The following ZNF716 variants were observed in gnomAD, a reference collection of about 807,000 sequenced individuals.
ZNF716 encodes the protein zinc finger protein 716.
In ZNF716, 9 loss-of-function variants were observed where a neutral mutation model predicts 13.4. That is an observed-to-expected ratio of 0.67 (90% CI 0.41 to 1.18). The LOEUF (loss-of-function observed/expected upper bound fraction) is 1.18, where lower values mean the gene tolerates loss of function less well. ZNF716 is among the 50% of genes most tolerant of loss of function. ZNF716 has a pLI of 0.01. For missense variants in ZNF716, 581 were observed against 576.6 expected (o/e 1.01, Z -0.08); for synonymous variants, 186 against 195.2 (o/e 0.95, Z 0.39).
intron 1 of ZNF716, among the ~76,000 whole-genome samples, chr7:57,451,084 C>T (rs1344410421): frequency 1.3e-5 from 2 of 151,240 alleles, no homozygotes. Context: ...TGCAATGGCA[C>T]GATCTCAGCT....
chr7:57,462,686 T>A, intron 2 of ZNF716, 100 bp downstream of exon 2: 1 of 1,355,344 alleles, frequency 7.4e-7, no homozygotes, highest in Non-Finnish European at 1.0e-6. Context: ...ATTTTAGCTC[T>A]CCAGTTTTAA....
intron 3 of ZNF716, among the ~76,000 whole-genome samples, chr7:57,464,122 C>CTTTT (rs71065117): frequency 4.8e-5 from 6 of 125,842 alleles, no homozygotes; most frequent in Non-Finnish European, 8.0e-5. Flanking sequence ...TTTCTTTTTT[C>CTTTT]TTTTTTTTTT....
intron 2 of ZNF716, 140 bp from the exon 3 acceptor site, chr7:57,462,933 A>T: frequency 8.0e-7 from 1 of 1,256,370 alleles, no homozygotes; most frequent in Non-Finnish European, 1.1e-6. Context: ...GTATTTTCTA[A>T]ATAGCTACAA....
intron 3 of ZNF716, among the ~76,000 whole-genome samples, chr7:57,465,365 T>A (rs1789786626): frequency 6.6e-6 from 1 of 152,178 alleles, no homozygotes; most frequent in East Asian, 1.9e-4. Flanking sequence ...ACATTTTTTT[T>A]TTTGACACAG....
At chr7:57,457,995 T>C (rs1789633944) in intron 1 of ZNF716, among the ~76,000 whole-genome samples, 1 of 152,240 alleles carries the variant, frequency 6.6e-6, no homozygotes, top group Non-Finnish European at 1.5e-5. Context: ...TGTTGTTCTT[T>C]CTTATAACTG....
chr7:57,465,417 A>G (rs563302617), intron 3 of ZNF716, among the ~76,000 whole-genome samples: 2 of 152,240 alleles, frequency 1.3e-5, no homozygotes, highest in East Asian at 3.9e-4. Context: ...CAGTAGCACA[A>G]TCTTGGCTCA....
At position 57,469,577 on chromosome 7, in the gene ZNF716, G is replaced by T. The variant is rs1219561248; in HGVS notation, c.1116G>T (p.Arg372Ser). 2 of 1,597,546 alleles carry T rather than the reference G, an allele frequency of 1.3e-6. No individual in the cohort carries two copies. Among genetic ancestry groups the T allele is most frequent in the Non-Finnish European group, 1.7e-6 (2 of 1,173,912 alleles). ...TFSSTLNTHK[R>S]IHTGEKPYTC... ...CCTCAACTCTAAATACTCATAAGAG[G>T]ATTCATACTGGAGAGAAACCCTACA... The change falls in exon 4 of 4, where the codon AGG becomes AGT. Residue 372 changes from arginine to serine, a missense_variant. By Grantham distance (110) the Arg-to-Ser change is moderately radical (BLOSUM62 -1). Transcript: ENST00000420713.
At position 57,470,657 on chromosome 7, in the gene ZNF716, T is replaced by C. The variant is rs1789913736; in HGVS notation, c.*708T>C. 6.6e-6 allele frequency: 1 copy of C among 151,878 alleles called. No homozygotes were observed. Among genetic ancestry groups the C allele is most frequent in the South Asian group, 2.1e-4 (1 of 4,822 alleles). 9.4% of individuals were successfully genotyped at this position (151,878 alleles called of 1,614,324 possible). Reference sequence around the variant, plus strand: ...ATATGGAAATGTCTTTTAAAAGTCCTCAAACTTTTTGTTTGAATAAATGTA... The same window carrying C: ...ATATGGAAATGTCTTTTAAAAGTCCCCAAACTTTTTGTTTGAATAAATGTA... On this transcript the variant is annotated 3_prime_UTR_variant, in exon 4 of 4. Coordinates refer to ENST00000420713, the MANE Select transcript of ZNF716 (RefSeq NM_001159279.1).
In ZNF716 at chr7:57,472,912, T is replaced by C. The variant is rs1371201032; in HGVS notation, c.*2963T>C. On this transcript the variant is annotated 3_prime_UTR_variant, in exon 4 of 4. Coordinates refer to ENST00000420713, the MANE Select transcript of ZNF716 (RefSeq NM_001159279.1). Reference sequence around the variant, plus strand: ...GGCATATATGAGATATGTTAACACATGCACATAATATTTAATGATCACAAC... The same window carrying C: ...GGCATATATGAGATATGTTAACACACGCACATAATATTTAATGATCACAAC... The C allele has an allele frequency of 6.6e-6, 1 of 152,200 alleles. No homozygotes were observed. Among genetic ancestry groups the C allele is most frequent in the South Asian group, 2.1e-4 (1 of 4,832 alleles). The allele number at this position is 152,200 out of a possible 1,614,324, so 9.4% of individuals were successfully genotyped here. A position where few individuals can be genotyped will look rare whatever the true frequency, so the allele number is the denominator to read the frequency against.
intron 3 of ZNF716, among the ~76,000 whole-genome samples, chr7:57,467,538 G>C (rs190621508): frequency 1.3e-5 from 2 of 151,578 alleles, no homozygotes; most frequent in Non-Finnish European, 2.9e-5. Flanking sequence ...CATTTTGCAC[G>C]TTTTTTTCTG....
intron 1 of ZNF716, among the ~76,000 whole-genome samples, chr7:57,458,530 C>G: frequency 6.6e-6 from 1 of 151,816 alleles, no homozygotes; most frequent in East Asian, 1.9e-4. Flanking sequence ...TAAAGCGATT[C>G]TTTTGCCTCA....
At position 57,469,404 on chromosome 7, in the gene ZNF716, A is replaced by T; in HGVS notation, c.943A>T (p.Lys315Ter). Residue 315 changes from lysine to a stop codon, truncating the protein, a stop_gained, in exon 4 of 4, where the codon AAG becomes TAG. Coordinates refer to ENST00000420713, the MANE Select transcript of ZNF716 (RefSeq NM_001159279.1). LOFTEE classifies it low-confidence loss of function (END_TRUNC). The stretch of plus-strand genomic sequence containing the variant: ...CCGCTCTTCAACACTTACTAACCAC[A>T]AGAGAATTCATACTGGAGAGAGACC... ...FSRSSTLTNH[K>*]RIHTGERPYK... is the part of the protein sequence containing the mutation. 1.9e-6 allele frequency: 3 copies of T among 1,613,840 alleles called. No homozygotes were observed. Among genetic ancestry groups the T allele is most frequent in the Non-Finnish European group, 2.5e-6 (3 of 1,179,922 alleles).
chr7:57,469,312 C>T lies in ZNF716; in HGVS notation c.851C>T (p.Thr284Ile). 5.7e-6 allele frequency: 9 copies of T among 1,589,398 alleles called. No homozygotes were observed. Among genetic ancestry groups the T allele is most frequent in the African/African-American group, 2.7e-5 (2 of 74,264 alleles). Residue 284 changes from threonine (T) to isoleucine (I), a missense_variant, in exon 4 of 4, where the codon ACT becomes ATT. Thr to Ile is a moderately conservative substitution (Grantham distance 89). Coordinates refer to ENST00000420713, the MANE Select transcript of ZNF716 (RefSeq NM_001159279.1). ...AAAGTCTTTAGCCGCTCAACACTTA[C>T]TAACTACAAGAGAATTCATACTGGA... is the stretch of plus-strand genomic sequence containing the variant. ...RGKVFSRSTLTNYKRIHTGEK... is the reference protein window; with the variant it reads ...RGKVFSRSTLINYKRIHTGEK...
rs1275881730 is a variant in ZNF716 at position 57,469,172 on chromosome 7, A to C, written c.711A>C (p.Gly237=). 1 of 1,612,488 alleles carries C rather than the reference A, an allele frequency of 6.2e-7. No homozygotes were observed. The highest frequency in any genetic ancestry group is 1.3e-5 in the African/African-American group (1 of 74,864). The change falls in exon 4 of 4, where the codon GGA becomes GGC. Residue 237 remains glycine, a synonymous_variant. Coordinates refer to ENST00000420713, the MANE Select transcript of ZNF716 (RefSeq NM_001159279.1). The part of the protein sequence containing the change: ...TLTRHKRIHT[G]EKPYRCEECG... ...CTAGACATAAAAGAATTCATACTGG[A>C]GAGAAACCCTACAGATGTGAGGAAT... is the stretch of plus-strand genomic sequence containing the variant.
chr7:57,465,785 A>G (rs1789798052), intron 3 of ZNF716, among the ~76,000 whole-genome samples: 1 of 152,164 alleles, frequency 6.6e-6, no homozygotes, highest in South Asian at 2.1e-4. Flanking sequence ...AACTAACCCA[A>G]ATGTCCAACA....
At chr7:57,454,343 C>T (rs1421819517) in intron 1 of ZNF716, among the ~76,000 whole-genome samples, 1 of 152,192 alleles carries the variant, frequency 6.6e-6, no homozygotes, top group Admixed American at 6.5e-5. Flanking sequence ...CTTGTATAAA[C>T]ACTGCATTTC....
intron 1 of ZNF716, among the ~76,000 whole-genome samples, chr7:57,451,309 C>T (rs1789488931): frequency 6.6e-6 from 1 of 151,876 alleles, no homozygotes; most frequent in South Asian, 2.1e-4. Context: ...TCCCCCCGTG[C>T]CCAGCTGTAA....
At chr7:57,460,894 G>C (rs1789697255) in intron 1 of ZNF716, among the ~76,000 whole-genome samples, 2 of 152,110 alleles carry the variant, frequency 1.3e-5, no homozygotes, top group South Asian at 4.1e-4. Context: ...GCTAAGGAAA[G>C]ACTACTTAAA....
intron 1 of ZNF716, among the ~76,000 whole-genome samples, chr7:57,461,119 A>AAAT (rs1554323014): frequency 1.3e-5 from 2 of 150,814 alleles, no homozygotes; most frequent in African/African-American, 4.9e-5. Flanking sequence ...AAAAAAAAAA[A>AAAT]ATACAAAAAT....
Sources: allele counts gnomAD v4.1 joint callset (sites outside exome capture counted in the v4.1 genomes callset), GRCh38; gene constraint gnomAD v4.1.1; transcripts MANE v1.5; gene names NCBI Gene and HGNC (gene_info 2026-07-23, HGNC 2026-07-21).